KCNH5: variants seen among roughly 807,000 people sequenced by gnomAD.
The protein encoded by KCNH5 is potassium voltage-gated channel subfamily H member 5, also known as voltage-gated delayed rectifier potassium channel KCNH5.
KCNH5 carries 46 observed loss-of-function variants against 96.1 expected under a neutral mutation model. The observed-to-expected ratio is 0.48, with a 90% confidence interval of 0.38 to 0.61. The LOEUF (loss-of-function observed/expected upper bound fraction) is 0.61, where lower values mean the gene tolerates loss of function less well. Among genes scored for constraint, KCNH5 ranks in the 20% least tolerant of loss-of-function variants. The pLI is 0.00. For missense variants in KCNH5, 907 were observed against 1,225.8 expected, an observed-to-expected ratio of 0.74 and a Z score of 3.88; for synonymous variants, 439 against 449.8, an observed-to-expected ratio of 0.98 and a Z score of 0.30.
chr14:62,776,557 G>T (rs1886100550), intron 10 of KCNH5, among the ~76,000 whole-genome samples: 1 of 152,152 alleles, frequency 6.6e-6, no homozygotes, highest in African/African-American at 2.4e-5. Flanking sequence ...AGTCCAAGCT[G>T]ACTAAGACAG....
chr14:62,970,135 T>C (rs1890380079), intron 6 of KCNH5, among the ~76,000 whole-genome samples: 1 of 147,912 alleles, frequency 6.8e-6, no homozygotes, highest in Non-Finnish European at 1.5e-5. Flanking sequence ...AAATTACTAA[T>C]ATTAGAAATA....
intron 6 of KCNH5, among the ~76,000 whole-genome samples, chr14:62,968,336 A>G (rs1207860278): frequency 6.6e-6 from 1 of 152,198 alleles, no homozygotes; most frequent in East Asian, 1.9e-4. Flanking sequence ...TAGAAAGTAG[A>G]TATCTGTTCA....
At chr14:62,848,929 T>A (rs181068300) in intron 8 of KCNH5, among the ~76,000 whole-genome samples, 1 of 152,372 alleles carries the variant, frequency 6.6e-6, no homozygotes, top group Non-Finnish European at 1.5e-5. Context: ...AAGCTTTATT[T>A]TTCATCTTCT....
rs1468892675 is a variant in KCNH5 at position 62,853,460 on chromosome 14, T to TATATATATATATATATATATATATATC, written c.1370-3609_1370-3608insGATATATATATATATATATATATATAT. 5.2e-3 allele frequency among the ~76,000 whole-genome samples: 469 copies of TATATATATATATATATATATATATATC among 89,392 alleles called. 2 individuals are homozygous for TATATATATATATATATATATATATATC. Among genetic ancestry groups the TATATATATATATATATATATATATATC allele is most frequent in the African/African-American group, 0.012 (308 of 25,562 alleles). 58.6% of individuals were successfully genotyped at this position (89,392 alleles called of 152,430 possible). On this transcript the variant is annotated intron_variant, in intron 7 of 10. Transcript: ENST00000322893. ...TTCCCAAACAAAAAGAATAATCATA[T>TATATATATATATATATATATATATATC]ATATATATATATATATATATCATAT...
chr14:63,034,922 T>C (rs997276219), intron 1 of KCNH5, among the ~76,000 whole-genome samples: 1 of 152,214 alleles, frequency 6.6e-6, no homozygotes, highest in African/African-American at 2.4e-5. Context: ...AAAATGAGTT[T>C]CTAAAATGTA....
intron 7 of KCNH5, among the ~76,000 whole-genome samples, chr14:62,885,991 A>G (rs1357070647): frequency 6.6e-6 from 1 of 152,198 alleles, no homozygotes; most frequent in African/African-American, 2.4e-5. Context: ...GCACTTCCCT[A>G]ATGTAATAAT....
chr14:62,806,249 G>A (rs1344232504), intron 8 of KCNH5, among the ~76,000 whole-genome samples: 1 of 152,016 alleles, frequency 6.6e-6, no homozygotes, highest in African/African-American at 2.4e-5. Flanking sequence ...CATAAAAATG[G>A]GCAACTAGCA....
At chr14:62,993,117 T>G (rs746205398) in intron 4 of KCNH5, among the ~76,000 whole-genome samples, 1 of 152,094 alleles carries the variant, frequency 6.6e-6, no homozygotes, top group Non-Finnish European at 1.5e-5. Context: ...AAAGATCAGT[T>G]GTCTGTAAAT....
At chr14:62,781,776 T>G (rs1297265293) in intron 9 of KCNH5, among the ~76,000 whole-genome samples, 1 of 152,222 alleles carries the variant, frequency 6.6e-6, no homozygotes, top group Admixed American at 6.5e-5. Flanking sequence ...CATTTCATAT[T>G]GCTCAAACAC....
chr14:62,935,179 T>A lies in KCNH5; in HGVS notation c.1369+14954A>T, dbSNP rs374015087. On this transcript the variant is annotated intron_variant, in intron 7 of 10. Transcript: ENST00000322893. The stretch of plus-strand genomic sequence containing the variant: ...CACCTATGTTTCACTGTATGAAAAT[T>A]TAAACCCAAGACTGAAGAATTTAGG... Among the ~76,000 whole-genome samples the A allele has an allele frequency of 4.2e-4, 64 of 152,314 alleles. 4 individuals are homozygous for A. In the South Asian group the frequency reaches 8.3e-3, roughly 20 times the overall value.
chr14:62,988,832 C>T (rs985011412), intron 4 of KCNH5, among the ~76,000 whole-genome samples: 5 of 152,020 alleles, frequency 3.3e-5, no homozygotes, highest in Admixed American at 2.6e-4. Flanking sequence ...AGCCACTGGA[C>T]TTTTCTTACT....
chr14:62,725,960 G>A (rs59922498), intron 10 of KCNH5, among the ~76,000 whole-genome samples: 13,060 of 152,168 alleles, frequency 0.086, 731 homozygotes, highest in Non-Finnish European at 0.12. Flanking sequence ...TAGACAATAA[G>A]TAAATGAACA....
intron 8 of KCNH5, among the ~76,000 whole-genome samples, chr14:62,812,190 T>A (rs1431004490): frequency 6.6e-6 from 1 of 152,140 alleles, no homozygotes; most frequent in Non-Finnish European, 1.5e-5. Context: ...ACTAAAAAAA[T>A]TAAAATGCTG....
At chr14:62,822,287 C>A (rs1396686420) in intron 8 of KCNH5, among the ~76,000 whole-genome samples, 2 of 152,034 alleles carry the variant, frequency 1.3e-5, no homozygotes, top group African/African-American at 4.8e-5. Flanking sequence ...AAAATTCATA[C>A]ATTAAGGCAC....
chr14:62,798,714 A>G (rs1886588526), intron 9 of KCNH5, among the ~76,000 whole-genome samples: 1 of 152,178 alleles, frequency 6.6e-6, no homozygotes, highest in African/African-American at 2.4e-5. Flanking sequence ...TTTGTTGACT[A>G]AATTTTTTAT....
At chr14:63,044,082 C>T (rs1353493173) in intron 1 of KCNH5, among the ~76,000 whole-genome samples, 1 of 152,162 alleles carries the variant, frequency 6.6e-6, no homozygotes, top group Non-Finnish European at 1.5e-5. Context: ...CCAAGCTCTA[C>T]TGTACTCCAT....
chr14:62,847,091 C>T (rs913331803), intron 8 of KCNH5, among the ~76,000 whole-genome samples: 12 of 148,220 alleles, frequency 8.1e-5, no homozygotes, highest in East Asian at 1.9e-4. Context: ...TGAGCCACCG[C>T]GCCCGGCCCT....
chr14:62,766,673 C>G (rs1294239842), intron 10 of KCNH5, among the ~76,000 whole-genome samples: 3 of 151,988 alleles, frequency 2.0e-5, no homozygotes, highest in Non-Finnish European at 2.9e-5. Context: ...GGATGGTGAA[C>G]AGAAACTGGG....
chr14:62,930,763 G>A (rs1238482460), intron 7 of KCNH5, among the ~76,000 whole-genome samples: 1 of 152,098 alleles, frequency 6.6e-6, no homozygotes, highest in Non-Finnish European at 1.5e-5. Context: ...TCACAGTACT[G>A]AATGAGAGTG....
Sources: allele counts gnomAD v4.1 joint callset (sites outside exome capture counted in the v4.1 genomes callset), GRCh38; gene constraint gnomAD v4.1.1; transcripts MANE v1.5; gene names NCBI Gene and HGNC (gene_info 2026-07-23, HGNC 2026-07-21).